DOCK3: variants seen among roughly 807,000 people sequenced by gnomAD.
The protein encoded by DOCK3 is dedicator of cytokinesis 3.
Under a neutral mutation model 265.6 loss-of-function variants are expected in DOCK3, and 60 were observed. The observed-to-expected ratio is 0.23, with a 90% CI of 0.18 to 0.28. DOCK3 has a LOEUF of 0.28. Among genes scored for constraint, DOCK3 ranks in the 10% least tolerant of loss-of-function variants. The pLI, the probability that DOCK3 is intolerant of heterozygous loss-of-function variation, is 1.00. For synonymous variants in DOCK3, 881 were observed against 938.0 expected, an observed-to-expected ratio of 0.94 and a Z score of 1.11; for missense variants, 1,981 against 2,594.3, an observed-to-expected ratio of 0.76 and a Z score of 5.14.
chr3:50,778,992 T>A (rs1219265649), intron 2 of DOCK3, among the ~76,000 whole-genome samples: 1 of 152,174 alleles, frequency 6.6e-6, no homozygotes, highest in African/African-American at 2.4e-5. Context: ...TCAGAACACG[T>A]TTTTTACATA....
intron 3 of DOCK3, among the ~76,000 whole-genome samples, chr3:50,879,144 G>A (rs1321780331): frequency 1.3e-5 from 2 of 152,176 alleles, no homozygotes; most frequent in African/African-American, 4.8e-5. Flanking sequence ...AACATGGAAA[G>A]GAACAAATGG....
intron 6 of DOCK3, among the ~76,000 whole-genome samples, chr3:51,068,429 A>G (rs753466773): frequency 6.6e-6 from 1 of 150,846 alleles, no homozygotes. Context: ...AGTCCCAGCT[A>G]CTCGGGAGGG....
rs772145545 is a variant in DOCK3, at chr3:51,260,233, A to G, written c.2262A>G (p.Glu754=). The G allele has an allele frequency of 2.5e-6, 4 of 1,613,938 alleles. No homozygotes were observed. Among genetic ancestry groups the G allele is most frequent in the Admixed American group, 1.7e-5 (1 of 59,998 alleles). ...YSRATCGMEE[E]QFRSSIQELF... is the part of the protein sequence containing the mutation. Reference sequence around the variant, plus strand: ...GAGCCACTTGTGGAATGGAAGAGGAACAATTCAGATCCAGTATCCAAGAAC... The same window carrying G: ...GAGCCACTTGTGGAATGGAAGAGGAGCAATTCAGATCCAGTATCCAAGAAC... The change falls in exon 23 of 53, where the codon GAA becomes GAG. Residue 754 remains glutamate (E), a synonymous_variant. Transcript: ENST00000266037.
chr3:51,289,151 T>A (rs2081591295), intron 27 of DOCK3, among the ~76,000 whole-genome samples: 1 of 152,102 alleles, frequency 6.6e-6, no homozygotes, highest in Non-Finnish European at 1.5e-5. Flanking sequence ...GCAACATGGA[T>A]GGAGCTAGAG....
chr3:50,733,239 C>T (rs528896765), intron 1 of DOCK3, among the ~76,000 whole-genome samples: 1 of 152,194 alleles, frequency 6.6e-6, no homozygotes, highest in Admixed American at 6.5e-5. Flanking sequence ...CTCTTAGGTC[C>T]ATTTGGTTTA....
chr3:50,881,848 C>G (rs989557645), intron 3 of DOCK3, among the ~76,000 whole-genome samples: 4 of 152,154 alleles, frequency 2.6e-5, no homozygotes, highest in Admixed American at 2.0e-4. Context: ...AGGCATCATG[C>G]TACCTTATTT....
intron 12 of DOCK3, among the ~76,000 whole-genome samples, chr3:51,197,971 A>G (rs2088426442): frequency 6.6e-6 from 1 of 152,052 alleles, no homozygotes; most frequent in Non-Finnish European, 1.5e-5. Context: ...TCCTGGTGGC[A>G]CTCACTTCTC....
chr3:50,974,145 T>A (rs1343052551), intron 5 of DOCK3, among the ~76,000 whole-genome samples: 1 of 151,886 alleles, frequency 6.6e-6, no homozygotes, highest in East Asian at 1.9e-4. Context: ...TTAGTTTAAT[T>A]AGATCCCATT....
At chr3:50,923,582 G>A (rs2050615379) in intron 4 of DOCK3, among the ~76,000 whole-genome samples, 1 of 152,036 alleles carries the variant, frequency 6.6e-6, no homozygotes, top group Admixed American at 6.6e-5. Context: ...TTTAAAAATA[G>A]GTGGGGAAAC....
intron 3 of DOCK3, among the ~76,000 whole-genome samples, chr3:50,866,180 G>T (rs1032394885): frequency 6.6e-6 from 1 of 151,974 alleles, no homozygotes; most frequent in African/African-American, 2.4e-5. Context: ...TCCTTTTGGG[G>T]CATTACTTAA....
intron 1 of DOCK3, among the ~76,000 whole-genome samples, chr3:50,728,816 G>A (rs1337698711): frequency 2.0e-5 from 3 of 150,880 alleles, no homozygotes; most frequent in Non-Finnish European, 3.0e-5. Context: ...TCTGCCTCCA[G>A]AGTTCAAGCA....
At chr3:50,783,403 A>G (rs116216071) in intron 2 of DOCK3, among the ~76,000 whole-genome samples, 1,725 of 151,798 alleles carry the variant, frequency 0.011, 43 homozygotes, top group African/African-American at 0.04. Flanking sequence ...TTGTGGTTTT[A>G]ATTTGCATTT....
At chr3:51,004,101 G>A (rs1246253415) in intron 5 of DOCK3, among the ~76,000 whole-genome samples, 1 of 151,932 alleles carries the variant, frequency 6.6e-6, no homozygotes, top group African/African-American at 2.4e-5. Flanking sequence ...TGCCTCTAGT[G>A]AATAGAATGC....
chr3:51,319,125 A>G (rs999160332), intron 32 of DOCK3, among the ~76,000 whole-genome samples: 1 of 152,200 alleles, frequency 6.6e-6, no homozygotes, highest in African/African-American at 2.4e-5. Flanking sequence ...CTTAGGAGAA[A>G]GTATTCACCA....
intron 12 of DOCK3, among the ~76,000 whole-genome samples, chr3:51,200,059 G>C (rs1198335475): frequency 1.3e-5 from 2 of 151,944 alleles, no homozygotes; most frequent in South Asian, 2.1e-4. Context: ...AAGACCAAAA[G>C]TAGATAAAAC....
At chr3:50,722,433 A>C (rs1356944347) in intron 1 of DOCK3, among the ~76,000 whole-genome samples, 1 of 152,238 alleles carries the variant, frequency 6.6e-6, no homozygotes, top group Non-Finnish European at 1.5e-5. Context: ...TCTAGCATCT[A>C]AAACATTTGA....
intron 50 of DOCK3, among the ~76,000 whole-genome samples, chr3:51,375,212 A>T (rs990556883): frequency 6.6e-6 from 1 of 152,158 alleles, no homozygotes; most frequent in African/African-American, 2.4e-5. Flanking sequence ...GAATGCCAGG[A>T]GTTTCTTAGT....
chr3:51,306,107 C>T (rs1444941564), intron 27 of DOCK3, among the ~76,000 whole-genome samples: 3 of 151,222 alleles, frequency 2.0e-5, no homozygotes, highest in African/African-American at 7.3e-5. Context: ...CTCAAGCAAT[C>T]CTCCCATCTC....
intron 5 of DOCK3, among the ~76,000 whole-genome samples, chr3:51,035,792 A>G (rs187497545): frequency 5.3e-4 from 80 of 152,302 alleles, no homozygotes; most frequent in African/African-American, 1.9e-3. Flanking sequence ...TTAGATCTCA[A>G]TTCATTTCTC....
Sources: allele counts gnomAD v4.1 joint callset (sites outside exome capture counted in the v4.1 genomes callset), GRCh38; gene constraint gnomAD v4.1.1; transcripts MANE v1.5; gene names NCBI Gene and HGNC (gene_info 2026-07-23, HGNC 2026-07-21).